Variants in EXTL3 observed in about 807,000 individuals in gnomAD.
EXTL3 encodes exostosin-like 3.
EXTL3 carries 27 observed loss-of-function variants against 69.3 expected under a neutral mutation model. The observed-to-expected ratio is 0.39, with a 90% confidence interval of 0.29 to 0.54. The LOEUF (loss-of-function observed/expected upper bound fraction) is 0.54. Ranked by LOEUF, EXTL3 falls within the 20% of genes least tolerant of loss-of-function variation. The probability of loss-of-function intolerance (pLI) is 0.69; values close to 1 mark genes in which losing one functional copy is unlikely to be tolerated. For missense variants in EXTL3, 1,003 were observed against 1,231.8 expected (o/e 0.81, Z 2.78); for synonymous variants, 511 against 499.4 (o/e 1.02, Z -0.31).
chr8:28,728,076 G>C (rs994153992), intron 3 of EXTL3, among the ~76,000 whole-genome samples: 1 of 152,216 alleles, frequency 6.6e-6, no homozygotes, highest in Non-Finnish European at 1.5e-5. Context: ...GTTCTGTACT[G>C]AGTGAATGCT....
At chr8:28,653,424 G>C (rs142885464) in intron 1 of EXTL3, among the ~76,000 whole-genome samples, 30 of 152,212 alleles carry the variant, frequency 2.0e-4, no homozygotes, top group African/African-American at 7.2e-4. Context: ...CTTTTTAAGT[G>C]TCATACTTAA....
intron 1 of EXTL3, among the ~76,000 whole-genome samples, chr8:28,662,864 G>A (rs1807137952): frequency 6.6e-6 from 1 of 152,118 alleles, no homozygotes; most frequent in African/African-American, 2.4e-5. Context: ...GAGCTGAGCT[G>A]CGATTGCACC....
At chr8:28,658,620 G>T (rs760904097) in intron 1 of EXTL3, among the ~76,000 whole-genome samples, 1 of 151,634 alleles carries the variant, frequency 6.6e-6, no homozygotes, top group Non-Finnish European at 1.5e-5. Flanking sequence ...TCGCTCTGTC[G>T]CCCAGGCTGG....
At chr8:28,723,965 A>ATATG (rs1801354218) in intron 3 of EXTL3, among the ~76,000 whole-genome samples, 1 of 150,056 alleles carries the variant, frequency 6.7e-6, no homozygotes, top group Admixed American at 6.6e-5. Flanking sequence ...CTGACAATAG[A>ATATG]TATGTATTTT....
At chr8:28,684,787 C>T (rs780011094) in intron 1 of EXTL3, among the ~76,000 whole-genome samples, 2 of 152,098 alleles carry the variant, frequency 1.3e-5, no homozygotes, top group African/African-American at 2.4e-5. Context: ...ACATTTCAAA[C>T]GTGCAGAAAA....
At position 28,610,012 on chromosome 8, in the gene EXTL3, T is replaced by G. The variant is rs542844005; in HGVS notation, n.314+2254T>G. 7.3e-5 allele frequency among the ~76,000 whole-genome samples: 11 copies of G among 151,688 alleles called. No homozygotes were observed. In the South Asian group the frequency reaches 2.3e-3, roughly 32 times the overall value. On this transcript the variant is annotated intron_variant and non_coding_transcript_variant, in intron 2 of 4. Transcript: ENST00000522725. Reference sequence around the variant, plus strand: ...TGCGGTCAGGAGTTCGAGACCAGCCTGGCCAACATGGTGAAACCCCATCTC... The same window carrying G: ...TGCGGTCAGGAGTTCGAGACCAGCCGGGCCAACATGGTGAAACCCCATCTC...
chr8:28,697,235 G>C (rs1800698917), upstream of EXTL3: 1 of 152,188 alleles, frequency 6.6e-6, no homozygotes, highest in African/African-American at 2.4e-5. Context: ...AATGGTGTGT[G>C]CCTCCCTCTT....
At chr8:28,689,255 C>T (rs1346127284) in intron 1 of EXTL3, among the ~76,000 whole-genome samples, 1 of 152,130 alleles carries the variant, frequency 6.6e-6, no homozygotes, top group Admixed American at 6.6e-5. Flanking sequence ...ATTTTATATC[C>T]TTAGCAACAC....
At chr8:28,650,748 GT>G (rs1806906363) in intron 1 of EXTL3, among the ~76,000 whole-genome samples, 1 of 151,898 alleles carries the variant, frequency 6.6e-6, no homozygotes, top group Non-Finnish European at 1.5e-5. Flanking sequence ...GTAGGAGTTG[GT>G]TTTGGGCCCC....
chr8:28,626,161 G>C (rs1232324627), intron 1 of EXTL3, among the ~76,000 whole-genome samples: 2 of 129,752 alleles, frequency 1.5e-5, no homozygotes, highest in Non-Finnish European at 3.2e-5. Flanking sequence ...AACAGGGTGA[G>C]ACCCTGTCTA....
intron 1 of EXTL3, among the ~76,000 whole-genome samples, chr8:28,679,720 C>A (rs1193523757): frequency 8.2e-6 from 1 of 121,946 alleles, no homozygotes; most frequent in Middle Eastern, 3.8e-3. Flanking sequence ...AAGACCCGAC[C>A]CTACCTCTTA....
At chr8:28,660,838 CTTTTTTTTTTTTTTTTT>C (rs58151386) in intron 1 of EXTL3, among the ~76,000 whole-genome samples, 1 of 46,970 alleles carries the variant, frequency 2.1e-5, no homozygotes, top group South Asian at 1.4e-3. Flanking sequence ...CGATTTTTGG[CTTTTTTTTTTTTTTTTT>C]TTTTTTTTTT....
upstream of EXTL3, chr8:28,696,996 C>T (rs937060394): frequency 1.3e-5 from 2 of 152,172 alleles, no homozygotes; most frequent in African/African-American, 4.8e-5. Context: ...CTGGCTTATA[C>T]TAGGTATAAT....
At chr8:28,728,536 C>A (rs928934453) in intron 3 of EXTL3, among the ~76,000 whole-genome samples, 7 of 152,154 alleles carry the variant, frequency 4.6e-5, no homozygotes, top group Non-Finnish European at 8.8e-5. Flanking sequence ...GTTACAGATC[C>A]TTCTTTGTCT....
intron 5 of EXTL3, among the ~76,000 whole-genome samples, chr8:28,738,988 G>T (rs1410331900): frequency 2.0e-5 from 3 of 152,116 alleles, no homozygotes; most frequent in African/African-American, 7.2e-5. Context: ...TGCATGAATG[G>T]TGAAGTGTCC....
At chr8:28,708,032 C>G (rs1309952774) in intron 1 of EXTL3, among the ~76,000 whole-genome samples, 1 of 152,070 alleles carries the variant, frequency 6.6e-6, no homozygotes, top group Non-Finnish European at 1.5e-5. Flanking sequence ...TTGATGAGTT[C>G]CTTTTGTATT....
intron 1 of EXTL3, among the ~76,000 whole-genome samples, chr8:28,658,890 C>T (rs1017997570): frequency 6.6e-6 from 1 of 152,190 alleles, no homozygotes; most frequent in Non-Finnish European, 1.5e-5. Context: ...CCTCCTCATG[C>T]ACTTTTATAC....
In EXTL3 at chr8:28,716,355, A is replaced by G. The variant is rs967044101; in HGVS notation, c.296A>G (p.Lys99Arg). ...VSEELLQLEA[K>R]RQELNSEIAK... ...GAAGAGCTCCTGCAGCTGGAGGCCA[A>G]GCGCCAAGAGCTGAACAGCGAGATC... The change falls in exon 3 of 7, where the codon AAG becomes AGG. Residue 99 changes from lysine (K) to arginine (R), a missense_variant. Physicochemically the swap from Lys to Arg is conservative, Grantham distance 26. Around this residue, in one of 2 missense-constraint regions of EXTL3, gnomAD observed 742 missense variants for 815.4 expected, o/e 0.91. Coordinates refer to ENST00000220562, the MANE Select transcript of EXTL3 (RefSeq NM_001440.4). This position sits in a 1 kb window ranked among gnomAD's most constrained non-coding sequence, Gnocchi z 7.1. 6 of 1,613,968 alleles carry G rather than the reference A, an allele frequency of 3.7e-6. No individual in the cohort carries two copies. The East Asian group carries it at 6.7e-5, about 18-fold the overall frequency.
intron 1 of EXTL3, among the ~76,000 whole-genome samples, chr8:28,669,695 G>T (rs944348186): frequency 3.9e-5 from 6 of 152,098 alleles, no homozygotes; most frequent in South Asian, 2.1e-4. Context: ...TTCCATTTTT[G>T]ATATCATCTC....
Sources: allele counts gnomAD v4.1 joint callset (sites outside exome capture counted in the v4.1 genomes callset), GRCh38; gene constraint gnomAD v4.1.1; regional missense constraint gnomAD v4.1.1; non-coding constraint Gnocchi (gnomAD v3.1); transcripts MANE v1.5; gene names NCBI Gene and HGNC (gene_info 2026-07-23, HGNC 2026-07-21).